The following GABBR2 variants were observed in gnomAD, a reference collection of about 807,000 sequenced individuals.
GABBR2 encodes G-protein coupled receptor 51.
A neutral mutation model predicts 105.6 loss-of-function variants in GABBR2; 23 were observed. The ratio of observed to expected loss-of-function variants is 0.22; its 90% CI spans 0.16 to 0.31. The LOEUF (loss-of-function observed/expected upper bound fraction) is 0.31. Ranked by LOEUF, GABBR2 falls within the 10% of genes least tolerant of loss-of-function variation. GABBR2 has a pLI of 1.00. For synonymous variants in GABBR2, 478 were observed against 499.7 expected (o/e 0.96, Z 0.58); for missense variants, 734 against 1,245.5 (o/e 0.59, Z 6.18).
chr9:98,678,423 C>G (rs765193942), intron 1 of GABBR2, among the ~76,000 whole-genome samples: 1 of 152,164 alleles, frequency 6.6e-6, no homozygotes, highest in African/African-American at 2.4e-5. Context: ...ACCTTTCCTG[C>G]GAGGTGCTTC....
intron 17 of GABBR2, among the ~76,000 whole-genome samples, chr9:98,297,412 A>G (rs376902392): frequency 4.6e-5 from 7 of 151,898 alleles, no homozygotes; most frequent in Non-Finnish European, 8.8e-5. Flanking sequence ...GGAGTTCGAG[A>G]CCAGCCTGGC....
At chr9:98,479,920 T>C (rs1826879185) in intron 5 of GABBR2, among the ~76,000 whole-genome samples, 2 of 152,320 alleles carry the variant, frequency 1.3e-5, no homozygotes, top group Non-Finnish European at 2.9e-5. Flanking sequence ...TTAGGCAGCT[T>C]CATTTGTTCT....
intron 1 of GABBR2, among the ~76,000 whole-genome samples, chr9:98,655,608 T>A (rs375852652): frequency 7.9e-5 from 12 of 152,168 alleles, no homozygotes; most frequent in African/African-American, 2.9e-4. Context: ...AATGATAGAC[T>A]GGATAAAGAA....
intron 3 of GABBR2, among the ~76,000 whole-genome samples, chr9:98,527,338 G>C (rs956102842): frequency 1.3e-5 from 2 of 151,898 alleles, no homozygotes; most frequent in African/African-American, 2.4e-5. Flanking sequence ...TGCTATGACT[G>C]TCATTTACCA....
intron 4 of GABBR2, among the ~76,000 whole-genome samples, chr9:98,487,122 C>T (rs1057134972): frequency 9.9e-5 from 15 of 152,198 alleles, no homozygotes; most frequent in African/African-American, 3.6e-4. Flanking sequence ...ATTTAACACT[C>T]TAATAATATA....
At chr9:98,389,890 G>T (rs1346680115) in intron 9 of GABBR2, among the ~76,000 whole-genome samples, 1 of 152,084 alleles carries the variant, frequency 6.6e-6, no homozygotes, top group Non-Finnish European at 1.5e-5. Flanking sequence ...CTCCAGTAGG[G>T]GTATGTGGAA....
At chr9:98,357,624 A>C (rs1831508049) in intron 13 of GABBR2, among the ~76,000 whole-genome samples, 1 of 152,192 alleles carries the variant, frequency 6.6e-6, no homozygotes, top group Non-Finnish European at 1.5e-5. Context: ...TCTGGGTAAC[A>C]GAGTGAGATC....
chr9:98,578,616 C>G (rs895044834), intron 1 of GABBR2, among the ~76,000 whole-genome samples: 6 of 152,036 alleles, frequency 3.9e-5, no homozygotes, highest in Non-Finnish European at 7.4e-5. Context: ...AGACGTATAC[C>G]CAAAACAACC....
At chr9:98,529,493 G>C (rs948317121) in intron 3 of GABBR2, among the ~76,000 whole-genome samples, 1 of 152,192 alleles carries the variant, frequency 6.6e-6, no homozygotes, top group Non-Finnish European at 1.5e-5. Context: ...AAATGGTAAA[G>C]ACATCAGCCT....
Position 98,597,315 on chromosome 9 carries a change from C to T in GABBR2, c.322-19243G>A, listed in dbSNP as rs371022358. On this transcript the variant is annotated intron_variant, in intron 1 of 18. Transcript: ENST00000259455. ...GTGATCACAAACAACATGCCAGGGA[C>T]AACATGCCAGGGACAACATGCATGG... is the stretch of plus-strand genomic sequence containing the variant. 6.6e-5 allele frequency among the ~76,000 whole-genome samples: 10 copies of T among 152,320 alleles called. No individual in the cohort carries two copies. The East Asian group carries it at 1.3e-3, about 21-fold the overall frequency.
chr9:98,462,987 C>G (rs1826451988), intron 6 of GABBR2, among the ~76,000 whole-genome samples: 1 of 152,178 alleles, frequency 6.6e-6, no homozygotes, highest in Non-Finnish European at 1.5e-5. Flanking sequence ...CTCCTGGGTT[C>G]AAGCGATCCT....
At chr9:98,519,868 AG>A (rs754411289) in intron 3 of GABBR2, among the ~76,000 whole-genome samples, 3 of 152,332 alleles carry the variant, frequency 2.0e-5, no homozygotes, top group South Asian at 2.1e-4. Flanking sequence ...TATGAAAACA[AG>A]GGGCTGCATT....
chr9:98,680,712 A>G (rs897214314), intron 1 of GABBR2, among the ~76,000 whole-genome samples: 5 of 152,228 alleles, frequency 3.3e-5, no homozygotes, highest in African/African-American at 1.2e-4. Context: ...AAGGTTCATC[A>G]TGGAGGAGAC....
At chr9:98,514,395 A>C (rs1044752460) in intron 3 of GABBR2, among the ~76,000 whole-genome samples, 4 of 36,442 alleles carry the variant, frequency 1.1e-4, no homozygotes, top group Admixed American at 7.4e-4. Flanking sequence ...CCTAAAACTT[A>C]AAGTATAATA....
Position 98,321,625 on chromosome 9 carries a change from C to T in GABBR2, c.1894-10420G>A, listed in dbSNP as rs559367584. The stretch of plus-strand genomic sequence containing the variant: ...GGTGGGGACCACTGTAGGACCCTGA[C>T]CCAGCAGGCAGACGATGGGGAGAAT... On this transcript the variant is annotated intron_variant, in intron 13 of 18. Coordinates refer to ENST00000259455, the MANE Select transcript of GABBR2 (RefSeq NM_005458.8). Among the ~76,000 whole-genome samples the T allele has an allele frequency of 1.7e-3, 266 of 152,236 alleles. 1 individual carries two copies. Among genetic ancestry groups the T allele is most frequent in the African/African-American group, 6.2e-3 (256 of 41,540 alleles).
chr9:98,289,553 C>T lies in GABBR2; in HGVS notation c.*1031G>A, dbSNP rs1415064907. On this transcript the variant is annotated 3_prime_UTR_variant, in exon 19 of 19. Transcript: ENST00000259455. ...CTGGAAGCCAAGGGAAGCCCTCAGC[C>T]AGCAACTCTCTCCCCTATGTCTACG... The T allele has an allele frequency of 1.3e-5, 2 of 152,368 alleles. No homozygotes were observed. Among genetic ancestry groups the T allele is most frequent in the African/African-American group, 4.8e-5 (2 of 41,352 alleles). The allele number at this position is 152,368 out of a possible 1,614,324, so 9.4% of individuals were successfully genotyped here. A position where few individuals can be genotyped will look rare whatever the true frequency, so the allele number is the denominator to read the frequency against.
At chr9:98,530,156 G>C (rs936926456) in intron 3 of GABBR2, among the ~76,000 whole-genome samples, 13 of 152,322 alleles carry the variant, frequency 8.5e-5, no homozygotes, top group African/African-American at 3.1e-4. Context: ...TCCCGGGAAG[G>C]GTGGTAGGAG....
At chr9:98,592,480 A>G (rs1403873795) in intron 1 of GABBR2, among the ~76,000 whole-genome samples, 2 of 152,226 alleles carry the variant, frequency 1.3e-5, no homozygotes, top group African/African-American at 4.8e-5. Flanking sequence ...ATTAGCATTC[A>G]TTTAACAGAG....
At chr9:98,484,581 T>A (rs1372203875) in intron 4 of GABBR2, among the ~76,000 whole-genome samples, 4 of 151,856 alleles carry the variant, frequency 2.6e-5, no homozygotes, top group Non-Finnish European at 5.9e-5. Context: ...TGAGGCTGGA[T>A]GGGGATCTTG....
Sources: gnomAD v4.1 joint callset for allele counts (sites outside exome capture counted in the v4.1 genomes callset) on GRCh38, gnomAD v4.1.1 for gene constraint, MANE v1.5 for transcripts, NCBI Gene and HGNC (gene_info 2026-07-23, HGNC 2026-07-21) for gene names.